RRM2B: variants seen among roughly 807,000 people sequenced by gnomAD.
RRM2B encodes the protein ribonucleoside-diphosphate reductase subunit M2 B.
RRM2B carries 20 observed loss-of-function variants against 45.9 expected under a neutral mutation model. The observed-to-expected ratio is 0.44, with a 90% CI of 0.31 to 0.63. RRM2B has a LOEUF of 0.63. Among genes scored for constraint, RRM2B ranks in the 30% least tolerant of loss-of-function variants. The probability of loss-of-function intolerance (pLI) is 0.09; values close to 1 mark genes in which losing one functional copy is unlikely to be tolerated. For synonymous variants in RRM2B, 124 were observed against 132.3 expected, an observed-to-expected ratio of 0.94 and a Z score of 0.43; for missense variants, 320 against 414.7, an observed-to-expected ratio of 0.77 and a Z score of 1.98.
intron 2 of RRM2B, among the ~76,000 whole-genome samples, chr8:102,231,558 A>T (rs28999696): frequency 6.6e-6 from 1 of 152,296 alleles, no homozygotes; most frequent in Non-Finnish European, 1.5e-5. Flanking sequence ...GCCATATCAA[A>T]CTAAAAGTCT....
intron 8 of RRM2B, among the ~76,000 whole-genome samples, chr8:102,212,543 CA>C (rs1810653087): frequency 6.6e-6 from 1 of 152,120 alleles, no homozygotes; most frequent in South Asian, 2.1e-4. Context: ...ACAATTATTG[CA>C]AAATAATTTA....
chr8:102,217,445 T>C (rs1012108200), intron 6 of RRM2B, among the ~76,000 whole-genome samples: 1 of 152,154 alleles, frequency 6.6e-6, no homozygotes, highest in Non-Finnish European at 1.5e-5. Flanking sequence ...CAAAAAGTAA[T>C]TATATGAAGC....
intron 8 of RRM2B, among the ~76,000 whole-genome samples, chr8:102,212,025 T>C (rs984008090): frequency 6.6e-6 from 1 of 152,222 alleles, no homozygotes; most frequent in African/African-American, 2.4e-5. Context: ...CTAATTACCA[T>C]GGTATAGTAC....
Position 102,218,845 on chromosome 8 carries a change from G to A in RRM2B, c.653C>T (p.Thr218Ile). 6.2e-7 allele frequency: 1 copy of A among 1,613,678 alleles called. No individual in the cohort carries two copies. Among genetic ancestry groups the A allele is most frequent in the Non-Finnish European group, 8.5e-7 (1 of 1,179,770 alleles). The change falls in exon 6 of 9, where the codon ACT (threonine) becomes ATT (isoleucine). Residue 218 changes from threonine (T) to isoleucine (I), a missense_variant. Physicochemically the swap from Thr to Ile is moderately conservative, Grantham distance 89 (BLOSUM62 -1). Around this residue, in one of 3 missense-constraint regions of RRM2B, gnomAD observed 225 missense variants for 289.4 expected, o/e 0.78. Coordinates refer to ENST00000251810, the MANE Select transcript of RRM2B (RefSeq NM_015713.5). ...LKKRGLMPGLTFSNELISRDE... is the reference protein window; with the variant it reads ...LKKRGLMPGLIFSNELISRDE... ...TCTGCTGATGAGTTCATTGGAAAAA[G>A]TGAGTCCTGGCATAAGACCTCTCTT...
chr8:102,233,061 C>T (rs978513364), intron 1 of RRM2B, among the ~76,000 whole-genome samples: 14 of 152,142 alleles, frequency 9.2e-5, no homozygotes, highest in African/African-American at 3.4e-4. Context: ...TCAGAAGAGT[C>T]GCACATGTGT....
chr8:102,236,414 T>C (rs557878203), intron 1 of RRM2B, among the ~76,000 whole-genome samples: 19 of 152,266 alleles, frequency 1.2e-4, no homozygotes, highest in African/African-American at 4.1e-4. Context: ...ATAGGATTAA[T>C]TGATAAAAAA....
chr8:102,228,983 C>T lies in RRM2B; in HGVS notation c.205-2949G>A, dbSNP rs554530718. Among the ~76,000 whole-genome samples the T allele has an allele frequency of 9.2e-5, 14 of 152,290 alleles. No individual in the cohort carries two copies. The South Asian group carries it at 1.5e-3, about 16-fold the overall frequency. ...ACTCTAACAAACCCTCGGCTGGGCA[C>T]GGTAGCTCACGCCTGTAATCCCAGC... On this transcript the variant is annotated intron_variant, in intron 2 of 8. Transcript: ENST00000251810.
chr8:102,218,965 G>C lies in RRM2B; in HGVS notation c.551-18C>G, dbSNP rs72554100. 6.2e-7 allele frequency: 1 copy of C among 1,611,058 alleles called. No homozygotes were observed. Among genetic ancestry groups the C allele is most frequent in the Non-Finnish European group, 8.5e-7 (1 of 1,178,184 alleles). Reference sequence around the variant, plus strand: ...TCTTTCCCCTGGGAGACATAAAATCGTTTCAATTTTTGAAATATACTGCAA... The same window carrying C: ...TCTTTCCCCTGGGAGACATAAAATCCTTTCAATTTTTGAAATATACTGCAA... On this transcript the variant is annotated intron_variant, in intron 5 of 8. Transcript: ENST00000251810.
chr8:102,215,888 T>C (rs1012533136), intron 6 of RRM2B, among the ~76,000 whole-genome samples: 28 of 136,950 alleles, frequency 2.0e-4, no homozygotes, highest in African/African-American at 7.1e-4. Context: ...AAAGCTACAG[T>C]GAGCCAGGAT....
chr8:102,216,865 A>G (rs1810739188), intron 6 of RRM2B, among the ~76,000 whole-genome samples: 1 of 152,114 alleles, frequency 6.6e-6, no homozygotes, highest in Non-Finnish European at 1.5e-5. Flanking sequence ...AATTCTGGTG[A>G]GAGTATGGTA....
chr8:102,218,174 G>A (rs891460442), intron 6 of RRM2B, among the ~76,000 whole-genome samples: 16 of 152,106 alleles, frequency 1.1e-4, no homozygotes, highest in African/African-American at 3.1e-4. Flanking sequence ...GTAGGTTTTC[G>A]GAGTTATGAG....
At chr8:102,224,743 C>G in intron 4 of RRM2B, 142 bp downstream of exon 4, 1 of 825,434 alleles carries the variant, frequency 1.2e-6, no homozygotes, top group Non-Finnish European at 1.9e-6. Flanking sequence ...AAACCCAATA[C>G]ATTATTAAGC....
chr8:102,222,364 C>T (rs941680341), intron 5 of RRM2B, among the ~76,000 whole-genome samples: 1 of 152,148 alleles, frequency 6.6e-6, no homozygotes, highest in Admixed American at 6.5e-5. Context: ...GCGTGAGCCA[C>T]CATGCCTGGC....
rs1014417953 is a variant in RRM2B at position 102,212,022 on chromosome 8, C to T, written c.903+754G>A. ...AAATCAAAATCTGTATTTCTAATTACCATGGTATAGTACATAGTGAATTTC... is the reference window on the plus strand; with the variant it reads ...AAATCAAAATCTGTATTTCTAATTATCATGGTATAGTACATAGTGAATTTC... On this transcript the variant is annotated intron_variant, in intron 8 of 8. Transcript: ENST00000251810. Among the ~76,000 whole-genome samples, 72 of 152,182 alleles carry T rather than the reference C, an allele frequency of 4.7e-4. 1 individual carries two copies. Among genetic ancestry groups the T allele is most frequent in the Non-Finnish European group, 4.4e-5 (3 of 67,998 alleles).
intron 8 of RRM2B, among the ~76,000 whole-genome samples, chr8:102,209,010 C>T (rs29000284): frequency 0.05 from 7,607 of 152,076 alleles, 284 homozygotes; most frequent in Admixed American, 0.095. Context: ...ATTAGCTGGG[C>T]GTGGTAGCAG....
chr8:102,226,020 C>A lies in RRM2B; in HGVS notation c.219G>T (p.Lys73Asn). 1.2e-6 allele frequency: 2 copies of A among 1,604,184 alleles called. No individual in the cohort carries two copies. The highest frequency in any genetic ancestry group is 2.7e-5 in the African/African-American group (2 of 74,820). Residue 73 changes from lysine (K) to asparagine (N), a missense_variant, in exon 3 of 9, where the codon AAG (lysine) becomes AAT (asparagine). By Grantham distance (94) the Lys-to-Asn change is moderately conservative. Coordinates refer to ENST00000251810, the MANE Select transcript of RRM2B (RefSeq NM_015713.5). ...TAAGCTTGTTCCAGTGAGGGAGATC[C>A]TTTGATAAGTCGACCTGGAATAAAA... ...FWTAEEVDLS[K>N]DLPHWNKLKA...
chr8:102,213,390 T>C (rs29000272), intron 7 of RRM2B, among the ~76,000 whole-genome samples: 4 of 152,150 alleles, frequency 2.6e-5, no homozygotes, highest in Admixed American at 6.5e-5. Context: ...AAAGCGTTAA[T>C]AGAGGAAAAA....
chr8:102,221,218 A>G (rs1238078463), intron 5 of RRM2B, among the ~76,000 whole-genome samples: 2 of 152,248 alleles, frequency 1.3e-5, no homozygotes, highest in African/African-American at 4.8e-5. Flanking sequence ...ATAAACTTCC[A>G]AGCTAATAAT....
At chr8:102,209,180 G>C (rs1810595177) in intron 8 of RRM2B, among the ~76,000 whole-genome samples, 1 of 152,184 alleles carries the variant, frequency 6.6e-6, no homozygotes, top group Admixed American at 6.6e-5. Flanking sequence ...AGCAGACTTG[G>C]AGATACAGCT....
Sources: allele counts gnomAD v4.1 joint callset (sites outside exome capture counted in the v4.1 genomes callset), GRCh38; gene constraint gnomAD v4.1.1; regional missense constraint gnomAD v4.1.1; transcripts MANE v1.5; gene names NCBI Gene and HGNC (gene_info 2026-07-23, HGNC 2026-07-21).